MSI2: variants seen among roughly 807,000 people sequenced by gnomAD.
MSI2 encodes the protein musashi RNA binding protein 2, also known as RNA-binding protein Musashi homolog 2.
Under a neutral mutation model 45.6 loss-of-function variants are expected in MSI2, and 17 were observed. The ratio of observed to expected loss-of-function variants is 0.37; its 90% CI spans 0.26 to 0.56. The LOEUF is 0.56. Ranked by LOEUF, MSI2 falls within the 20% of genes least tolerant of loss-of-function variation. MSI2 has a pLI of 0.77. For missense variants in MSI2, 293 were observed against 444.2 expected (o/e 0.66, Z 3.06); for synonymous variants, 156 against 158.2 (o/e 0.99, Z 0.11).
chr17:57,390,417 T>A (rs1409704914), intron 5 of MSI2, among the ~76,000 whole-genome samples: 1 of 152,066 alleles, frequency 6.6e-6, no homozygotes, highest in Non-Finnish European at 1.5e-5. Flanking sequence ...TCCCTGAGGG[T>A]GGGGCCCAGG....
At chr17:57,543,584 C>T (rs2087100708) in intron 7 of MSI2, among the ~76,000 whole-genome samples, 2 of 152,176 alleles carry the variant, frequency 1.3e-5, no homozygotes, top group Non-Finnish European at 2.9e-5. Context: ...CTTAAGTCTT[C>T]TTTTAATTAA....
At chr17:57,541,596 G>A (rs2087047624) in intron 7 of MSI2, among the ~76,000 whole-genome samples, 1 of 152,198 alleles carries the variant, frequency 6.6e-6, no homozygotes, top group South Asian at 2.1e-4. Flanking sequence ...ATCCTGGAGT[G>A]AATTTTTAAG....
chr17:57,388,074 A>G (rs750670760), intron 5 of MSI2, among the ~76,000 whole-genome samples: 2 of 152,146 alleles, frequency 1.3e-5, no homozygotes, highest in Non-Finnish European at 2.9e-5. Context: ...TGGCCTTCCA[A>G]TCTCCAAAAT....
chr17:57,647,372 C>T (rs1292842726), intron 10 of MSI2, among the ~76,000 whole-genome samples: 1 of 151,112 alleles, frequency 6.6e-6, no homozygotes, highest in East Asian at 2.0e-4. Context: ...TTGCTTGAAC[C>T]CTGGAGGCGG....
In MSI2 at chr17:57,596,521, C is replaced by T. The variant is rs528064583; in HGVS notation, c.455-347C>T. ...GCAAGCGTGGCCCCGCAGTGATCCACGAGGCTCTGGTTAGCCCACCCGCCT... is the reference window on the plus strand; with the variant it reads ...GCAAGCGTGGCCCCGCAGTGATCCATGAGGCTCTGGTTAGCCCACCCGCCT... On this transcript the variant is annotated intron_variant, in intron 7 of 13. Transcript: ENST00000284073. This position sits in a 1 kb window ranked among gnomAD's most constrained non-coding sequence, Gnocchi z 4.6. 3.3e-5 allele frequency among the ~76,000 whole-genome samples: 5 copies of T among 152,340 alleles called. No individual in the cohort carries two copies. The highest frequency in any genetic ancestry group is 3.9e-4 in the East Asian group (2 of 5,186).
Position 57,683,702 on chromosome 17 carries a change from T to C in MSI2, c.*4185T>C, listed in dbSNP as rs1187240927. On this transcript the variant is annotated 3_prime_UTR_variant, in exon 14 of 14. Coordinates refer to ENST00000284073, the MANE Select transcript of MSI2 (RefSeq NM_138962.4). This position sits in a 1 kb window ranked among gnomAD's most constrained non-coding sequence, Gnocchi z 5.2. The stretch of plus-strand genomic sequence containing the variant: ...TTTTTTTTTTTTTTCTTGAATGTGC[T>C]TCGCAAGCCAGGCTATCTTCCAAGG... 4 of 227,788 alleles carry C rather than the reference T, an allele frequency of 1.8e-5. No individual in the cohort carries two copies. The highest frequency in any genetic ancestry group is 3.5e-5 in the Non-Finnish European group (4 of 115,262). The allele number at this position is 227,788 out of a possible 1,614,324, so 14.1% of individuals were successfully genotyped here. A position where few individuals can be genotyped will look rare whatever the true frequency, so the allele number is the denominator to read the frequency against.
chr17:57,420,712 A>G (rs2084379675), intron 6 of MSI2, among the ~76,000 whole-genome samples: 1 of 152,136 alleles, frequency 6.6e-6, no homozygotes, highest in Non-Finnish European at 1.5e-5. Context: ...TGCCTGTCCC[A>G]TGGGCTATCT....
intron 5 of MSI2, among the ~76,000 whole-genome samples, chr17:57,290,823 G>A (rs950300076): frequency 6.6e-6 from 1 of 152,200 alleles, no homozygotes; most frequent in Admixed American, 6.5e-5. Flanking sequence ...CTCCTTCAAT[G>A]GCAGTGTTGG....
Position 57,596,323 on chromosome 17 carries a change from A to G in MSI2, c.455-545A>G, listed in dbSNP as rs1905243321. On this transcript the variant is annotated intron_variant, in intron 7 of 13. Transcript: ENST00000284073. The surrounding 1 kb of genome is among the most constrained non-coding windows in gnomAD (Gnocchi z 4.6). ...AAATCCAGAGCGCTTTTGAAGCAGC[A>G]GTATAAAAAGGATGCCTGCGCGGAA... 1.3e-5 allele frequency among the ~76,000 whole-genome samples: 2 copies of G among 152,244 alleles called. No homozygotes were observed. The highest frequency in any genetic ancestry group is 2.9e-5 in the Non-Finnish European group (2 of 68,046).
chr17:57,534,158 A>C (rs545495387), intron 7 of MSI2, among the ~76,000 whole-genome samples: 4 of 152,360 alleles, frequency 2.6e-5, no homozygotes, highest in Admixed American at 1.3e-4. Context: ...GTGAAAGCAG[A>C]GCTGGGACGT....
At chr17:57,410,090 G>A (rs2143185266) in intron 6 of MSI2, among the ~76,000 whole-genome samples, 1 of 150,998 alleles carries the variant, frequency 6.6e-6, no homozygotes, top group Admixed American at 6.6e-5. Flanking sequence ...TCCTCGTAGG[G>A]AGAAGACCTG....
intron 7 of MSI2, among the ~76,000 whole-genome samples, chr17:57,540,171 T>A (rs1172669519): frequency 6.6e-6 from 1 of 152,252 alleles, no homozygotes; most frequent in African/African-American, 2.4e-5. Flanking sequence ...TATTAACTCA[T>A]GGACTTGGGA....
chr17:57,285,166 G>A (rs1224770370), intron 5 of MSI2, among the ~76,000 whole-genome samples: 1 of 152,156 alleles, frequency 6.6e-6, no homozygotes, highest in South Asian at 2.1e-4. Flanking sequence ...GTGCGGAGGG[G>A]ACCCTGAGGC....
intron 2 of MSI2, 33 bp downstream of exon 2, chr17:57,257,171 C>T: frequency 1.4e-6 from 2 of 1,480,066 alleles, no homozygotes; most frequent in South Asian, 2.4e-5. Context: ...CCTGGGTCCC[C>T]CCCTTCTTGG....
chr17:57,403,907 C>T (rs2084036379), intron 6 of MSI2, among the ~76,000 whole-genome samples: 2 of 150,184 alleles, frequency 1.3e-5, no homozygotes, highest in Non-Finnish European at 3.0e-5. Context: ...ACTTTATACT[C>T]TGGTTGAAGG....
In MSI2 at chr17:57,458,960, A is replaced by T. The variant is rs145857802; in HGVS notation, c.405+57489A>T. On this transcript the variant is annotated intron_variant, in intron 6 of 13. Coordinates refer to ENST00000284073, the MANE Select transcript of MSI2 (RefSeq NM_138962.4). ...TGGCAGATCCTTTTAATTGCCACCA[A>T]ATAACTTCAGCTCAACCTCGTCAGT... Among the ~76,000 whole-genome samples the T allele has an allele frequency of 2.8e-3, 430 of 152,302 alleles. 2 individuals carry two copies. Among genetic ancestry groups the T allele is most frequent in the African/African-American group, 9.7e-3 (404 of 41,562 alleles).
intron 5 of MSI2, among the ~76,000 whole-genome samples, chr17:57,311,993 C>T (rs1487221746): frequency 1.3e-5 from 2 of 152,164 alleles, no homozygotes; most frequent in African/African-American, 2.4e-5. Context: ...CTATGGCATC[C>T]GGCCAGGTAT....
At chr17:57,471,107 C>T (rs1266900425) in intron 6 of MSI2, among the ~76,000 whole-genome samples, 1 of 152,046 alleles carries the variant, frequency 6.6e-6, no homozygotes, top group Non-Finnish European at 1.5e-5. Context: ...GGGGTGGTGG[C>T]TGCCCACCTC....
intron 6 of MSI2, among the ~76,000 whole-genome samples, chr17:57,455,720 T>A (rs1042524257): frequency 1.3e-5 from 2 of 151,742 alleles, no homozygotes; most frequent in Non-Finnish European, 2.9e-5. Context: ...GGAACTGTAG[T>A]TTTGAATTGT....
Sources: allele counts gnomAD v4.1 joint callset (sites outside exome capture counted in the v4.1 genomes callset), GRCh38; gene constraint gnomAD v4.1.1; non-coding constraint Gnocchi (gnomAD v3.1); transcripts MANE v1.5; gene names NCBI Gene and HGNC (gene_info 2026-07-23, HGNC 2026-07-21).